The following ABCG1 variants were observed in gnomAD, a reference collection of about 807,000 sequenced individuals.
The protein encoded by ABCG1 is ATP binding cassette subfamily G member 1.
ABCG1 carries 29 observed loss-of-function variants against 69.2 expected under a neutral mutation model. The ratio of observed to expected loss-of-function variants is 0.42; its 90% CI spans 0.31 to 0.57. The LOEUF is 0.57. ABCG1 is among the 20% of genes least tolerant of loss of function. The pLI is 0.15. For missense variants in ABCG1, 718 were observed against 898.1 expected (o/e 0.80, Z 2.56); for synonymous variants, 370 against 374.8 (o/e 0.99, Z 0.15).
chr21:42,215,464 T>C (rs754847062), upstream of ABCG1, among the ~76,000 whole-genome samples: 4 of 152,234 alleles, frequency 2.6e-5, no homozygotes, highest in Non-Finnish European at 5.9e-5. Flanking sequence ...TAGACTTCCA[T>C]TGACTCCACT....
intron 2 of ABCG1, among the ~76,000 whole-genome samples, chr21:42,206,188 A>G (rs1026757933): frequency 6.6e-6 from 1 of 152,054 alleles, no homozygotes; most frequent in South Asian, 2.1e-4. Context: ...CATCTCTACT[A>G]AAAGTACAAG....
chr21:42,215,063 C>A (rs1385736714), upstream of ABCG1, among the ~76,000 whole-genome samples: 1 of 152,236 alleles, frequency 6.6e-6, no homozygotes, highest in Non-Finnish European at 1.5e-5. Context: ...TGGCAGGCTG[C>A]ATGCAGACCA....
chr21:42,292,207 C>T (rs2069076583), intron 13 of ABCG1, among the ~76,000 whole-genome samples: 1 of 152,136 alleles, frequency 6.6e-6, no homozygotes. Flanking sequence ...TGGACAAAAG[C>T]AGTGTTCCTG....
chr21:42,289,417 G>A (rs940406453), intron 10 of ABCG1, among the ~76,000 whole-genome samples: 1 of 152,182 alleles, frequency 6.6e-6, no homozygotes, highest in African/African-American at 2.4e-5. Flanking sequence ...GCCTAAACAA[G>A]TCACATGGCC....
intron 2 of ABCG1, among the ~76,000 whole-genome samples, chr21:42,234,986 G>T (rs1391716797): frequency 6.6e-6 from 1 of 152,044 alleles, no homozygotes; most frequent in African/African-American, 2.4e-5. Context: ...GTTGCCAAGC[G>T]CGAGGAGGCA....
chr21:42,261,934 G>A (rs1489882732), intron 2 of ABCG1, among the ~76,000 whole-genome samples: 1 of 152,188 alleles, frequency 6.6e-6, no homozygotes, highest in African/African-American at 2.4e-5. Context: ...TGGACAACAC[G>A]CCTTTGTTGG....
At chr21:42,229,212 C>T (rs2067864933) in intron 2 of ABCG1, among the ~76,000 whole-genome samples, 1 of 152,268 alleles carries the variant, frequency 6.6e-6, no homozygotes, top group African/African-American at 2.4e-5. Flanking sequence ...TTGGCATCAT[C>T]TCTGTGCGAC....
In ABCG1 at chr21:42,291,124, C is replaced by T; in HGVS notation, c.1426C>T (p.His476Tyr). 6.2e-7 allele frequency: 1 copy of T among 1,614,174 alleles called. No homozygotes were observed. The highest frequency in any genetic ancestry group is 8.5e-7 in the Non-Finnish European group (1 of 1,180,008). The change falls in exon 12 of 15, where the codon CAC becomes TAC. Residue 476 changes from histidine to tyrosine, a missense_variant. Physicochemically the swap from His to Tyr is moderately conservative, Grantham distance 83. This residue lies in a region of ABCG1 where 204 missense variants were observed against 323.8 expected (regional missense o/e 0.63). Coordinates refer to ENST00000398449, the MANE Select transcript of ABCG1 (RefSeq NM_016818.3). This position sits in a 1 kb window ranked among gnomAD's most constrained non-coding sequence, Gnocchi z 6.4. ...GGAGATGGGAGTCTTTCTTCGGGAA[C>T]ACCTGAACTACTGGTACAGCCTGAA... ...PLEMGVFLRE[H>Y]LNYWYSLKAY... is the part of the protein sequence containing the mutation.
intron 1 of ABCG1, among the ~76,000 whole-genome samples, chr21:42,222,314 T>A (rs2067741607): frequency 6.6e-6 from 1 of 152,208 alleles, no homozygotes; most frequent in African/African-American, 2.4e-5. Context: ...CTGCCTCGCA[T>A]CACGCAGTTT....
chr21:42,247,316 A>G (rs1252795516), intron 2 of ABCG1, among the ~76,000 whole-genome samples: 1 of 152,244 alleles, frequency 6.6e-6, no homozygotes, highest in African/African-American at 2.4e-5. Flanking sequence ...AGGAGCTCTC[A>G]CTATCAGGCA....
At position 42,206,105 on chromosome 21, in the gene ABCG1, T is replaced by C. The variant is rs1301234340; in HGVS notation, c.48+4382T>C. On this transcript the variant is annotated intron_variant, in intron 2 of 15. Transcript: ENST00000398457. ...CAGCCATGGTGACTCATGCATGTAA[T>C]CCCAGCACTTTGGGAGGCTGAGGTG... Among the ~76,000 whole-genome samples, 3 of 152,266 alleles carry C rather than the reference T, an allele frequency of 2.0e-5. No individual in the cohort carries two copies. In the East Asian group the frequency reaches 5.8e-4, roughly 29 times the overall value.
At chr21:42,277,430 G>A (rs751540292) in intron 5 of ABCG1, among the ~76,000 whole-genome samples, 26 of 151,982 alleles carry the variant, frequency 1.7e-4, no homozygotes, top group Non-Finnish European at 3.1e-4. Flanking sequence ...AAATAAATAC[G>A]TTTCCAGGAT....
intron 1 of ABCG1, chr21:42,221,030 T>C (rs1333993278): frequency 1.3e-5 from 2 of 152,242 alleles, no homozygotes; most frequent in Non-Finnish European, 2.9e-5. Flanking sequence ...TTTGATAATA[T>C]GCCCCCGGAG....
Position 42,291,281 on chromosome 21 carries a change from C to G in ABCG1, c.1494+89C>G. 8.0e-7 allele frequency: 1 copy of G among 1,247,484 alleles called. No homozygotes were observed. The highest frequency in any genetic ancestry group is 1.1e-6 in the Non-Finnish European group (1 of 869,958). The allele number at this position is 1,247,484 out of a possible 1,614,324, so 77.3% of individuals were successfully genotyped here. ...CGAGTAAGAGGACCTGCCAGGGATG[C>G]AGGGTGACATGGCCCGACTTCGGGA... On this transcript the variant is annotated intron_variant, in intron 12 of 14. Coordinates refer to ENST00000398449, the MANE Select transcript of ABCG1 (RefSeq NM_016818.3). This position sits in a 1 kb window ranked among gnomAD's most constrained non-coding sequence, Gnocchi z 6.4.
chr21:42,268,790 C>T (rs2068563410), intron 2 of ABCG1, among the ~76,000 whole-genome samples: 1 of 152,112 alleles, frequency 6.6e-6, no homozygotes, highest in South Asian at 2.1e-4. Flanking sequence ...AGCCTGAGAC[C>T]ACCTGTCCTG....
intron 2 of ABCG1, among the ~76,000 whole-genome samples, chr21:42,248,587 A>C (rs1056319129): frequency 2.0e-5 from 3 of 152,168 alleles, no homozygotes; most frequent in Admixed American, 6.5e-5. Context: ...ATGCTCATTG[A>C]AAGAAGAGTG....
chr21:42,241,530 G>A (rs1009091840), intron 2 of ABCG1, among the ~76,000 whole-genome samples: 2 of 151,514 alleles, frequency 1.3e-5, no homozygotes, highest in Admixed American at 6.6e-5. Flanking sequence ...ACTTGAACCC[G>A]AGAGGCAGAG....
intron 13 of ABCG1, among the ~76,000 whole-genome samples, chr21:42,293,804 A>G (rs1050259742): frequency 6.7e-6 from 1 of 149,684 alleles, no homozygotes; most frequent in Non-Finnish European, 1.5e-5. Context: ...TACACACTAC[A>G]TGCTATGCAC....
intron 2 of ABCG1, among the ~76,000 whole-genome samples, chr21:42,268,388 T>TGCGCGCGC (rs377669349): frequency 2.5e-4 from 28 of 110,180 alleles, no homozygotes; most frequent in African/African-American, 8.1e-4. Flanking sequence ...TGTGTGTGTG[T>TGCGCGCGC]GCGCGCGCGC....
Sources: allele counts gnomAD v4.1 joint callset (sites outside exome capture counted in the v4.1 genomes callset), GRCh38; gene constraint gnomAD v4.1.1; regional missense constraint gnomAD v4.1.1; non-coding constraint Gnocchi (gnomAD v3.1); transcripts MANE v1.5; gene names NCBI Gene and HGNC (gene_info 2026-07-23, HGNC 2026-07-21).